JMJD1C: variants seen among roughly 807,000 people sequenced by gnomAD.
JMJD1C encodes jumonji domain-containing protein 1C.
In JMJD1C, 31 loss-of-function variants were observed where a neutral mutation model predicts 245.3. That is an observed-to-expected ratio of 0.13 (90% CI 0.09 to 0.17). The LOEUF is 0.17. JMJD1C is among the 10% of genes least tolerant of loss of function. JMJD1C has a pLI of 1.00. For synonymous variants in JMJD1C, 1,057 were observed against 1,017.4 expected, an observed-to-expected ratio of 1.04 and a Z score of -0.74; for missense variants, 2,691 against 3,000.2, an observed-to-expected ratio of 0.90 and a Z score of 2.41.
At chr10:63,341,418 G>C (rs1340259649) in intron 2 of JMJD1C, among the ~76,000 whole-genome samples, 1 of 152,212 alleles carries the variant, frequency 6.6e-6, no homozygotes, top group Non-Finnish European at 1.5e-5. Flanking sequence ...CAGGCATTAA[G>C]GATGCCAAGG....
intron 8 of JMJD1C, among the ~76,000 whole-genome samples, chr10:63,211,662 C>T (rs1159686712): frequency 6.6e-6 from 1 of 151,398 alleles, no homozygotes; most frequent in Non-Finnish European, 1.5e-5. Context: ...CTAAAATTGT[C>T]TTCTAAATCA....
At chr10:63,249,325 CAAA>C (rs1175729822) in intron 3 of JMJD1C, among the ~76,000 whole-genome samples, 1 of 151,868 alleles carries the variant, frequency 6.6e-6, no homozygotes, top group Non-Finnish European at 1.5e-5. Context: ...CAAGAAAAAA[CAAA>C]ACAACAACAA....
In JMJD1C at chr10:63,243,671, TAC is replaced by T. The variant is rs370206119; in HGVS notation, c.447+20978_447+20979del. 4.9e-3 allele frequency among the ~76,000 whole-genome samples: 739 copies of T among 152,198 alleles called. 5 individuals are homozygous for T. Among genetic ancestry groups the T allele is most frequent in the African/African-American group, 0.016 (684 of 41,508 alleles). On this transcript the variant is annotated intron_variant, in intron 3 of 25. Transcript: ENST00000399262. ...AAATTAAATTGATAAAAAATACAAG[TAC>T]AGACTTCCAGTTCCAAAATGACAAT...
intron 2 of JMJD1C, among the ~76,000 whole-genome samples, chr10:63,296,257 G>C (rs376411721): frequency 6.6e-6 from 1 of 151,620 alleles, no homozygotes; most frequent in African/African-American, 2.4e-5. Context: ...TGATCCACCC[G>C]TCTCAGCCTC....
intron 1 of JMJD1C, among the ~76,000 whole-genome samples, chr10:63,478,118 A>C (rs1953719600): frequency 6.6e-6 from 1 of 152,088 alleles, no homozygotes; most frequent in Non-Finnish European, 1.5e-5. Flanking sequence ...GTTTCTAATA[A>C]AGTTAAACGT....
intron 1 of JMJD1C, among the ~76,000 whole-genome samples, chr10:63,477,930 ACATCAC>A (rs937524043): frequency 6.6e-6 from 1 of 152,230 alleles, no homozygotes; most frequent in African/African-American, 2.4e-5. Context: ...TTCAACAAAT[ACATCAC>A]CAAATAAGAT....
chr10:63,174,754 A>G (rs938789837), intron 24 of JMJD1C, among the ~76,000 whole-genome samples: 2 of 152,182 alleles, frequency 1.3e-5, no homozygotes, highest in African/African-American at 4.8e-5. Context: ...GAATCGCTTG[A>G]ACCCGGAAGG....
chr10:63,217,534 T>C (rs1848131131), intron 4 of JMJD1C, among the ~76,000 whole-genome samples: 1 of 152,142 alleles, frequency 6.6e-6, no homozygotes, highest in Non-Finnish European at 1.5e-5. Flanking sequence ...ACATACTTCC[T>C]GATTCAATAG....
At chr10:63,459,736 A>G (rs942888758) in intron 1 of JMJD1C, among the ~76,000 whole-genome samples, 8 of 152,214 alleles carry the variant, frequency 5.3e-5, no homozygotes, top group African/African-American at 1.7e-4. Flanking sequence ...ATTCAAAAAG[A>G]GTGGAATGAA....
chr10:63,442,569 G>A (rs1951454741), intron 1 of JMJD1C, among the ~76,000 whole-genome samples: 1 of 152,126 alleles, frequency 6.6e-6, no homozygotes, highest in Admixed American at 6.5e-5. Context: ...TAACCAACCA[G>A]AAAACGAAGA....
At chr10:63,303,512 G>T (rs1355991909) in intron 2 of JMJD1C, among the ~76,000 whole-genome samples, 2 of 152,088 alleles carry the variant, frequency 1.3e-5, no homozygotes, top group African/African-American at 4.8e-5. Flanking sequence ...CGTCATGTTG[G>T]CCAGGCTGGT....
chr10:63,216,855 A>C (rs1848048598), intron 5 of JMJD1C, among the ~76,000 whole-genome samples: 3 of 152,244 alleles, frequency 2.0e-5, no homozygotes, highest in Non-Finnish European at 4.4e-5. Context: ...ACTGATGAAA[A>C]GAAATGATTT....
intron 1 of JMJD1C, among the ~76,000 whole-genome samples, chr10:63,505,652 G>C (rs1450143782): frequency 6.6e-6 from 1 of 151,916 alleles, no homozygotes; most frequent in Non-Finnish European, 1.5e-5. Flanking sequence ...TAGTTGGTCT[G>C]GGGTAGGAAC....
chr10:63,187,191 G>C (rs555614512), intron 18 of JMJD1C, among the ~76,000 whole-genome samples: 73 of 152,028 alleles, frequency 4.8e-4, no homozygotes, highest in Admixed American at 1.0e-3. Context: ...CTACATGGTT[G>C]AATGTTCCAT....
Position 63,183,410 on chromosome 10 carries a change from C to G in JMJD1C, c.7084+37G>C, listed in dbSNP as rs1157907919. 3 of 1,566,040 alleles carry G rather than the reference C, an allele frequency of 1.9e-6. No homozygotes were observed. The South Asian group carries it at 3.4e-5, about 18-fold the overall frequency. On this transcript the variant is annotated intron_variant, in intron 22 of 25. Coordinates refer to ENST00000399262, the MANE Select transcript of JMJD1C (RefSeq NM_032776.3). ...AATACTAGTGAATGTGATTATTCAA[C>G]TCTTATTTCAAAGACTACTTATTCT...
At chr10:63,221,572 C>CA (rs1198768651) in intron 3 of JMJD1C, among the ~76,000 whole-genome samples, 1 of 152,168 alleles carries the variant, frequency 6.6e-6, no homozygotes, top group East Asian at 1.9e-4. Context: ...ACATGTCTTT[C>CA]TTTACTTTGC....
At chr10:63,385,706 G>A (rs1003409010) in intron 1 of JMJD1C, among the ~76,000 whole-genome samples, 1 of 151,580 alleles carries the variant, frequency 6.6e-6, no homozygotes, top group Non-Finnish European at 1.5e-5. Context: ...TCAACCTCCC[G>A]AGTAACTGGG....
intron 1 of JMJD1C, among the ~76,000 whole-genome samples, chr10:63,510,790 A>C (rs146321379): frequency 6.6e-6 from 1 of 152,202 alleles, no homozygotes; most frequent in African/African-American, 2.4e-5. Flanking sequence ...CAGGAGTGTT[A>C]AAGTGTCCAA....
intron 3 of JMJD1C, among the ~76,000 whole-genome samples, chr10:63,252,536 T>C (rs1220817912): frequency 6.6e-6 from 1 of 152,224 alleles, no homozygotes; most frequent in African/African-American, 2.4e-5. Flanking sequence ...GTCTACCATG[T>C]GGAATTTGGA....
Sources: allele counts gnomAD v4.1 joint callset (sites outside exome capture counted in the v4.1 genomes callset), GRCh38; gene constraint gnomAD v4.1.1; transcripts MANE v1.5; gene names NCBI Gene and HGNC (gene_info 2026-07-23, HGNC 2026-07-21).